The following CACNA2D3 variants were observed in gnomAD, a reference collection of about 807,000 sequenced individuals.
The protein encoded by CACNA2D3 is voltage-dependent calcium channel subunit alpha-2/delta-3.
A neutral mutation model predicts 160.6 loss-of-function variants in CACNA2D3; 60 were observed. That is an observed-to-expected ratio of 0.37 (90% confidence interval 0.30 to 0.46). The LOEUF (loss-of-function observed/expected upper bound fraction) is 0.46. Ranked by LOEUF, CACNA2D3 falls within the 20% of genes least tolerant of loss-of-function variation. The pLI, the probability that CACNA2D3 is intolerant of heterozygous loss-of-function variation, is 1.00. For missense variants in CACNA2D3, 1,205 were observed against 1,365.0 expected (o/e 0.88, Z 1.85); for synonymous variants, 558 against 492.9 (o/e 1.13, Z -1.75).
chr3:54,198,172 CTT>C (rs1420409767), intron 2 of CACNA2D3, among the ~76,000 whole-genome samples: 8 of 152,192 alleles, frequency 5.3e-5, no homozygotes, highest in Non-Finnish European at 8.8e-5. Context: ...AAACCACTGT[CTT>C]TGTGTGTCTT....
In CACNA2D3 at chr3:54,618,654, G is replaced by A. The variant is rs547557887; in HGVS notation, c.964-9133G>A. The stretch of plus-strand genomic sequence containing the variant: ...TTGCTGAGCTTTCCCAGAAATGAAT[G>A]TAGCCACCACTGCTTGGGGAATATG... On this transcript the variant is annotated intron_variant, in intron 9 of 37. Transcript: ENST00000474759. Among the ~76,000 whole-genome samples, 12 of 152,278 alleles carry A rather than the reference G, an allele frequency of 7.9e-5. No homozygotes were observed. The South Asian group carries it at 2.3e-3, about 29-fold the overall frequency.
chr3:54,657,229 C>T (rs920091318), intron 11 of CACNA2D3, among the ~76,000 whole-genome samples: 17 of 152,172 alleles, frequency 1.1e-4, no homozygotes, highest in African/African-American at 3.1e-4. Context: ...GGCAGGAACC[C>T]GCGGTCTGGA....
intron 2 of CACNA2D3, among the ~76,000 whole-genome samples, chr3:54,276,588 A>AAAGAAG (rs1553775459): frequency 6.3e-5 from 8 of 127,778 alleles, no homozygotes; most frequent in African/African-American, 2.2e-4. Context: ...AAAAAAAAAA[A>AAAGAAG]AAGAAGAAGA....
At chr3:54,445,531 A>G (rs938592399) in intron 4 of CACNA2D3, among the ~76,000 whole-genome samples, 2 of 145,124 alleles carry the variant, frequency 1.4e-5, no homozygotes, top group Non-Finnish European at 3.0e-5. Context: ...CACTTATTCT[A>G]TGTATACTTT....
At chr3:54,975,870 A>C (rs1001977176) in intron 29 of CACNA2D3, among the ~76,000 whole-genome samples, 4 of 152,110 alleles carry the variant, frequency 2.6e-5, no homozygotes, top group Admixed American at 1.3e-4. Flanking sequence ...CCACTTGACC[A>C]AACTGACCCA....
chr3:54,206,556 C>T (rs967015367), intron 2 of CACNA2D3, among the ~76,000 whole-genome samples: 9 of 152,180 alleles, frequency 5.9e-5, no homozygotes, highest in African/African-American at 2.2e-4. Context: ...AACAGTGAAA[C>T]CCTGCCGCGA....
chr3:54,944,831 G>GTGTA (rs1197937704), intron 27 of CACNA2D3, among the ~76,000 whole-genome samples: 1 of 152,136 alleles, frequency 6.6e-6, no homozygotes, highest in African/African-American at 2.4e-5. Context: ...GTGTGTGTGT[G>GTGTA]TGTGTGTGTG....
chr3:54,459,833 A>G (rs1487591830), intron 4 of CACNA2D3, among the ~76,000 whole-genome samples: 9 of 152,218 alleles, frequency 5.9e-5, no homozygotes, highest in Non-Finnish European at 1.3e-4. Flanking sequence ...TGTTTTAGAC[A>G]TGAAGTCCTT....
intron 35 of CACNA2D3, among the ~76,000 whole-genome samples, chr3:55,031,075 CGGA>C: frequency 6.6e-6 from 1 of 152,100 alleles, no homozygotes; most frequent in East Asian, 1.9e-4. Flanking sequence ...TCTTCCATGC[CGGA>C]GGGTAGGAGA....
In CACNA2D3 at chr3:54,662,689, C is replaced by G. The variant is rs913316770; in HGVS notation, c.1167+20448C>G. Among the ~76,000 whole-genome samples, 6 of 152,344 alleles carry G rather than the reference C, an allele frequency of 3.9e-5. No individual in the cohort carries two copies. In the South Asian group the frequency reaches 6.2e-4, roughly 16 times the overall value. ...CAAGGATTTTGCTGCGCTTGCTTCT[C>G]TCCTGGATTCCAGGGCTGTTCAGGT... is the stretch of plus-strand genomic sequence containing the variant. On this transcript the variant is annotated intron_variant, in intron 11 of 37. Coordinates refer to ENST00000474759, the MANE Select transcript of CACNA2D3 (RefSeq NM_018398.3).
intron 29 of CACNA2D3, among the ~76,000 whole-genome samples, chr3:54,975,521 CA>C (rs55819960): frequency 0.024 from 1,901 of 77,718 alleles, 34 homozygotes; most frequent in African/African-American, 0.075. Context: ...ACTTGGTCTC[CA>C]AAAAAAAAAA....
At chr3:54,970,121 C>G (rs1702236840) in intron 29 of CACNA2D3, among the ~76,000 whole-genome samples, 1 of 152,098 alleles carries the variant, frequency 6.6e-6, no homozygotes, top group Admixed American at 6.5e-5. Context: ...AAACTCCTAA[C>G]TCCTACTGTT....
At chr3:54,440,862 ACATTTTCTTAATCCAGTCTAT>A (rs765339671) in intron 4 of CACNA2D3, among the ~76,000 whole-genome samples, 22 of 152,194 alleles carry the variant, frequency 1.4e-4, no homozygotes, top group Non-Finnish European at 2.5e-4. Flanking sequence ...TATATGTGCC[ACATTTTCTTAATCCAGTCTAT>A]CATTGTTGGA....
intron 9 of CACNA2D3, among the ~76,000 whole-genome samples, chr3:54,585,111 T>G (rs1350686551): frequency 1.3e-5 from 2 of 152,190 alleles, no homozygotes; most frequent in African/African-American, 4.8e-5. Context: ...AAGATTACAA[T>G]TAGAGTATCC....
At chr3:54,987,569 C>A (rs992623013) in intron 30 of CACNA2D3, 114 bp from the exon 31 acceptor site, 2 of 616,544 alleles carry the variant, frequency 3.2e-6, no homozygotes, top group Non-Finnish European at 5.6e-6. Flanking sequence ...TTCCTGAAAA[C>A]CTGCCTTTTG....
At chr3:54,762,771 G>A (rs1356002375) in intron 12 of CACNA2D3, among the ~76,000 whole-genome samples, 1 of 152,182 alleles carries the variant, frequency 6.6e-6, no homozygotes, top group East Asian at 1.9e-4. Context: ...ACAACAGCAT[G>A]GTGAGAATGT....
chr3:54,227,641 G>T (rs1174829843), intron 2 of CACNA2D3, among the ~76,000 whole-genome samples: 2 of 152,012 alleles, frequency 1.3e-5, no homozygotes, highest in African/African-American at 2.4e-5. Context: ...TGCAACCTCC[G>T]CCTCTCAGGT....
At chr3:54,205,842 AG>A (rs1355235625) in intron 2 of CACNA2D3, among the ~76,000 whole-genome samples, 1 of 152,216 alleles carries the variant, frequency 6.6e-6, no homozygotes, top group Non-Finnish European at 1.5e-5. Flanking sequence ...AGTTTATGTT[AG>A]GGTTGCCAGA....
intron 32 of CACNA2D3, among the ~76,000 whole-genome samples, chr3:55,006,591 G>A (rs188915487): frequency 1.6e-4 from 24 of 152,240 alleles, no homozygotes; most frequent in Non-Finnish European, 2.9e-4. Context: ...TAATCCTGGC[G>A]GCCCAGAACA....
Sources: allele counts gnomAD v4.1 joint callset (sites outside exome capture counted in the v4.1 genomes callset), GRCh38; gene constraint gnomAD v4.1.1; transcripts MANE v1.5; gene names NCBI Gene and HGNC (gene_info 2026-07-23, HGNC 2026-07-21).